OSBPL11: variants seen among roughly 807,000 people sequenced by gnomAD.
The protein encoded by OSBPL11 is oxysterol-binding protein-related protein 11.
OSBPL11 carries 33 observed loss-of-function variants against 84.4 expected under a neutral mutation model. The ratio of observed to expected loss-of-function variants is 0.39; its 90% CI spans 0.30 to 0.52. The LOEUF (loss-of-function observed/expected upper bound fraction) is 0.52, where lower values mean the gene tolerates loss of function less well. OSBPL11 is among the 20% of genes least tolerant of loss of function. The pLI, the probability that OSBPL11 is intolerant of heterozygous loss-of-function variation, is 0.72. For synonymous variants in OSBPL11, 276 were observed against 310.2 expected (o/e 0.89, Z 1.16); for missense variants, 736 against 901.1 (o/e 0.82, Z 2.35).
At chr3:125,559,931 T>TA (rs56316048) in intron 8 of OSBPL11, among the ~76,000 whole-genome samples, 3,892 of 142,412 alleles carry the variant, frequency 0.027, 170 homozygotes, top group African/African-American at 0.092. Context: ...ATCAGGAGAC[T>TA]AAAAAAAAAA....
intron 10 of OSBPL11, among the ~76,000 whole-genome samples, chr3:125,539,335 ATATATATAT>A (rs1355515996): frequency 3.7e-4 from 45 of 120,100 alleles, no homozygotes; most frequent in African/African-American, 1.7e-3. Context: ...ATATATATAT[ATATATATAT>A]AATAGCTATA....
intron 8 of OSBPL11, 40 bp from the exon 9 acceptor site, chr3:125,552,719 T>C (rs769635637): frequency 1.1e-5 from 17 of 1,578,980 alleles, no homozygotes; most frequent in South Asian, 2.3e-5. Flanking sequence ...ATTTAATCCA[T>C]GTGTAGCATA....
rs369748559 is a variant in OSBPL11 at position 125,542,796 on chromosome 3, C to T, written c.1842-4163G>A. 2.6e-5 allele frequency among the ~76,000 whole-genome samples: 4 copies of T among 152,108 alleles called. No individual in the cohort carries two copies. The East Asian group carries it at 5.8e-4, about 22-fold the overall frequency. Reference sequence around the variant, plus strand: ...AAGTTCTGGGATTACAGGCGTGAGCCACCACGCCCAGCCTAATTTTGTATT... The same window carrying T: ...AAGTTCTGGGATTACAGGCGTGAGCTACCACGCCCAGCCTAATTTTGTATT... On this transcript the variant is annotated intron_variant, in intron 10 of 12. Transcript: ENST00000296220.
At chr3:125,593,154 G>A (rs973824328) in intron 1 of OSBPL11, among the ~76,000 whole-genome samples, 13 of 152,208 alleles carry the variant, frequency 8.5e-5, no homozygotes, top group African/African-American at 2.6e-4. Flanking sequence ...CCGCGGCGGC[G>A]CCCCACCCAC....
Position 125,529,087 on chromosome 3 carries a change from C to T in OSBPL11, c.*1428G>A, listed in dbSNP as rs539840304. ...TAACAGAACACAATTTATCAGAGCA[C>T]AAAGCTTAAACTTCTTATGATGATG... is the stretch of plus-strand genomic sequence containing the variant. On this transcript the variant is annotated 3_prime_UTR_variant, in exon 13 of 13. Transcript: ENST00000296220. 1.3e-5 allele frequency: 2 copies of T among 152,682 alleles called. No individual in the cohort carries two copies. The highest frequency in any genetic ancestry group is 4.1e-4 in the South Asian group (2 of 4,828). The allele number at this position is 152,682 out of a possible 1,614,324, so 9.5% of individuals were successfully genotyped here.
intron 10 of OSBPL11, among the ~76,000 whole-genome samples, chr3:125,540,179 A>C (rs1213585167): frequency 1.3e-5 from 2 of 152,078 alleles, no homozygotes; most frequent in Non-Finnish European, 2.9e-5. Context: ...AATACAAAAA[A>C]TTAGCTGGGC....
chr3:125,565,055 G>T (rs952436196), intron 6 of OSBPL11, among the ~76,000 whole-genome samples: 2 of 152,048 alleles, frequency 1.3e-5, no homozygotes, highest in Non-Finnish European at 2.9e-5. Flanking sequence ...GTAAGCCTGG[G>T]CAACACAGAC....
chr3:125,568,499 G>C (rs1273942872), intron 5 of OSBPL11, among the ~76,000 whole-genome samples: 1 of 151,648 alleles, frequency 6.6e-6, no homozygotes, highest in East Asian at 1.9e-4. Flanking sequence ...TCCTTAACAG[G>C]AAAATCAAAT....
chr3:125,559,921 A>G (rs1936050278), intron 8 of OSBPL11, among the ~76,000 whole-genome samples: 1 of 151,358 alleles, frequency 6.6e-6, no homozygotes, highest in Admixed American at 6.6e-5. Context: ...AAAAATACTG[A>G]TCAGGAGACT....
Position 125,550,239 on chromosome 3 carries a change from G to A in OSBPL11, c.1654+1942C>T, listed in dbSNP as rs1205020197. Reference sequence around the variant, plus strand: ...AAAATACAAAAATTGGTTGGGCATGGTGGCGCACGCCTGTAATCCCAGCTA... The same window carrying A: ...AAAATACAAAAATTGGTTGGGCATGATGGCGCACGCCTGTAATCCCAGCTA... On this transcript the variant is annotated intron_variant, in intron 9 of 12. Transcript: ENST00000296220. Among the ~76,000 whole-genome samples, 9 of 151,982 alleles carry A rather than the reference G, an allele frequency of 5.9e-5. No homozygotes were observed. In the East Asian group the frequency reaches 1.7e-3, roughly 29 times the overall value.
At chr3:125,579,623 T>A (rs575817091) in intron 3 of OSBPL11, among the ~76,000 whole-genome samples, 4 of 152,332 alleles carry the variant, frequency 2.6e-5, no homozygotes, top group African/African-American at 9.6e-5. Context: ...AATCAGAGTT[T>A]CACCTACACC....
chr3:125,533,388 C>T (rs1243729198), intron 11 of OSBPL11, among the ~76,000 whole-genome samples: 1 of 152,066 alleles, frequency 6.6e-6, no homozygotes, highest in Non-Finnish European at 1.5e-5. Flanking sequence ...CCATGCCCGG[C>T]TAATTTTTGT....
chr3:125,568,430 CAAAA>C (rs1052383358), intron 5 of OSBPL11, among the ~76,000 whole-genome samples: 2 of 75,654 alleles, frequency 2.6e-5, no homozygotes, highest in African/African-American at 5.0e-5. Flanking sequence ...GACTACGTCT[CAAAA>C]AAAAAAAAAA....
rs765936259 is a variant in OSBPL11, at chr3:125,552,287, T to C, written c.1548A>G (p.Ser516=). Residue 516 remains serine (S), a synonymous_variant, in exon 9 of 13, where the codon TCA becomes TCG. Transcript: ENST00000296220. The stretch of plus-strand genomic sequence containing the variant: ...TCTCTGTACATTCTGCATAAAATCC[T>C]GAGACTGGAGGATGATGAGAAACCT... ...AEQVSHHPPV[S]GFYAECTERK... 8.1e-6 allele frequency: 13 copies of C among 1,613,996 alleles called. No individual in the cohort carries two copies. In the African/African-American group the frequency reaches 1.3e-4, roughly 17 times the overall value.
chr3:125,584,624 A>T lies in OSBPL11; in HGVS notation c.165-1646T>A, dbSNP rs141024792. On this transcript the variant is annotated intron_variant, in intron 1 of 12. Transcript: ENST00000296220. ...TCATAGCCATTAGCATGTAATAAAA[A>T]ATATCACAACTGAGTTACAGTTCAA... 5.3e-5 allele frequency among the ~76,000 whole-genome samples: 8 copies of T among 152,352 alleles called. No individual in the cohort carries two copies. The East Asian group carries it at 1.5e-3, about 29-fold the overall frequency.
chr3:125,536,945 G>A (rs1040796185), intron 11 of OSBPL11, among the ~76,000 whole-genome samples: 5 of 151,934 alleles, frequency 3.3e-5, no homozygotes, highest in Admixed American at 2.6e-4. Context: ...GATCACTTGA[G>A]GTCAGAAGTT....
At chr3:125,581,026 T>A (rs1222668577) in intron 2 of OSBPL11, among the ~76,000 whole-genome samples, 5 of 151,998 alleles carry the variant, frequency 3.3e-5, no homozygotes, top group Non-Finnish European at 7.4e-5. Context: ...GAAAAAAAAA[T>A]TCTGATTTGG....
intron 8 of OSBPL11, among the ~76,000 whole-genome samples, chr3:125,554,391 A>G (rs2107596478): frequency 1.3e-5 from 2 of 152,346 alleles, no homozygotes; most frequent in Middle Eastern, 3.4e-3. Context: ...CTTCTGGGAA[A>G]TTTGACTAAA....
chr3:125,552,595 C>A lies in OSBPL11; in HGVS notation c.1240G>T (p.Ala414Ser), dbSNP rs1264662464. 1 of 1,614,146 alleles carries A rather than the reference C, an allele frequency of 6.2e-7. No individual in the cohort carries two copies. Among genetic ancestry groups the A allele is most frequent in the East Asian group, 2.2e-5 (1 of 44,882 alleles). Residue 414 changes from alanine to serine, a missense_variant, in exon 9 of 13, where the codon GCC becomes TCC. By Grantham distance (99) the Ala-to-Ser change is moderately conservative. Around this residue, in one of 3 missense-constraint regions of OSBPL11, gnomAD observed 579 missense variants for 717.6 expected, o/e 0.81. Coordinates refer to ENST00000296220, the MANE Select transcript of OSBPL11 (RefSeq NM_022776.5). ...TCAGCTGTGGCTCCATTAGTGATGG[C>A]TATAAATAGGTCTGGATGAGACATA... The part of the protein sequence containing the change: ...DFMSHPDLFI[A>S]ITNGATAEDR...
Sources: gnomAD v4.1 joint callset for allele counts (sites outside exome capture counted in the v4.1 genomes callset) on GRCh38, gnomAD v4.1.1 for gene constraint, gnomAD v4.1.1 regional missense constraint, MANE v1.5 for transcripts, NCBI Gene and HGNC (gene_info 2026-07-23, HGNC 2026-07-21) for gene names.